PIK3C2A: variants seen among roughly 807,000 people sequenced by gnomAD.
PIK3C2A encodes phosphatidylinositol-4-phosphate 3-kinase catalytic subunit type 2 alpha.
Under a neutral mutation model 204.5 loss-of-function variants are expected in PIK3C2A, and 97 were observed. The observed-to-expected ratio is 0.47, with a 90% CI of 0.40 to 0.56. The LOEUF (loss-of-function observed/expected upper bound fraction) is 0.56. Ranked by LOEUF, PIK3C2A falls within the 20% of genes least tolerant of loss-of-function variation. PIK3C2A has a pLI of 0.00. For missense variants in PIK3C2A, 1,735 were observed against 1,969.2 expected, an observed-to-expected ratio of 0.88 and a Z score of 2.25; for synonymous variants, 653 against 664.4, an observed-to-expected ratio of 0.98 and a Z score of 0.26.
chr11:17,112,674 TACA>T lies in PIK3C2A; in HGVS notation c.3322-11_3322-9del, dbSNP rs1849038950. ...ACTGAAGAAGGAACACGACTGCAAATACAACATGTTAAGCATTAGAAAGATAAA... is the reference window on the plus strand; with the variant it reads ...ACTGAAGAAGGAACACGACTGCAAATACATGTTAAGCATTAGAAAGATAAA... On this transcript the variant is annotated splice_polypyrimidine_tract_variant and intron_variant, in intron 20 of 32. Transcript: ENST00000691414. 2.1e-6 allele frequency: 3 copies of T among 1,404,790 alleles called. No homozygotes were observed. The South Asian group carries it at 4.3e-5, about 20-fold the overall frequency. 87.0% of individuals were successfully genotyped at this position (1,404,790 alleles called of 1,614,324 possible).
chr11:17,180,148 G>A (rs112307671), intron 1 of PIK3C2A, among the ~76,000 whole-genome samples: 3,859 of 152,204 alleles, frequency 0.025, 165 homozygotes, highest in African/African-American at 0.088. Flanking sequence ...TGCAGGCAAT[G>A]AAAAGCTAAA....
At chr11:17,124,045 A>G (rs776478112) in intron 13 of PIK3C2A, among the ~76,000 whole-genome samples, 13 of 152,090 alleles carry the variant, frequency 8.5e-5, no homozygotes, top group Non-Finnish European at 1.8e-4. Flanking sequence ...TCATATATAT[A>G]TATATATGGG....
At chr11:17,126,296 C>G (rs1286512322) in intron 13 of PIK3C2A, among the ~76,000 whole-genome samples, 1 of 152,060 alleles carries the variant, frequency 6.6e-6, no homozygotes, top group African/African-American at 2.4e-5. Flanking sequence ...CGCCTATAAT[C>G]TGAGCTACCG....
At chr11:17,207,785 C>T (rs1463410929) in intron 1 of PIK3C2A, 63 bp downstream of exon 1, 1 of 152,494 alleles carries the variant, frequency 6.6e-6, no homozygotes, top group Non-Finnish European at 1.5e-5. Context: ...CCCCGGGGCC[C>T]CTCTCCACCC....
intron 1 of PIK3C2A, among the ~76,000 whole-genome samples, chr11:17,182,879 C>T (rs925302493): frequency 6.6e-6 from 1 of 152,114 alleles, no homozygotes; most frequent in Non-Finnish European, 1.5e-5. Flanking sequence ...CTCACTCTGT[C>T]GCCAGGCCGA....
chr11:17,119,921 T>C lies in PIK3C2A; in HGVS notation c.2711A>G (p.Lys904Arg), dbSNP rs1849319301. ...TATTTTAGGAAGACAATTTGGGTGT[T>C]TGAAGCAATAATAACGTTTCTCCCA... Reference protein sequence around the residue: ...FLWEKRYYCFKHPNCLPKILA... With the variant: ...FLWEKRYYCFRHPNCLPKILA... The change falls in exon 16 of 33, where the codon AAA becomes AGA. Residue 904 changes from lysine to arginine, a missense_variant. Transcript: ENST00000691414. 6.2e-7 allele frequency: 1 copy of C among 1,609,852 alleles called. No individual in the cohort carries two copies. The highest frequency in any genetic ancestry group is 1.1e-5 in the South Asian group (1 of 90,608).
rs1377680619 is a variant in PIK3C2A, at chr11:17,169,473, A to G, written c.269T>C (p.Ile90Thr). The change falls in exon 2 of 33, where the codon ATT (isoleucine) becomes ACT (threonine). Residue 90 changes from isoleucine (I) to threonine (T), a missense_variant. Physicochemically the swap from Ile to Thr is moderately conservative, Grantham distance 89. Transcript: ENST00000691414. ...AGCTTGGGTGAGCTTTTCTACATCAATATCTAATGCTCTTTTTTGGGAATC... is the reference window on the plus strand; with the variant it reads ...AGCTTGGGTGAGCTTTTCTACATCAGTATCTAATGCTCTTTTTTGGGAATC... ...ESDSQKRALD[I>T]DVEKLTQAEL... The G allele has an allele frequency of 1.2e-6, 2 of 1,614,086 alleles. No homozygotes were observed. Among genetic ancestry groups the G allele is most frequent in the Admixed American group, 3.3e-5 (2 of 60,006 alleles).
At chr11:17,154,625 G>C (rs1850524125) in intron 3 of PIK3C2A, among the ~76,000 whole-genome samples, 1 of 152,046 alleles carries the variant, frequency 6.6e-6, no homozygotes, top group South Asian at 2.1e-4. Flanking sequence ...TCCTCCTATG[G>C]GTGTTTCCTA....
intron 20 of PIK3C2A, 53 bp from the exon 21 acceptor site, chr11:17,112,719 A>ATT: frequency 1.1e-6 from 1 of 913,142 alleles, no homozygotes; most frequent in Non-Finnish European, 1.6e-6. Context: ...TGGATTTAGA[A>ATT]TTTTTTTTTG....
intron 24 of PIK3C2A, among the ~76,000 whole-genome samples, chr11:17,101,888 C>A (rs941371447): frequency 1.3e-5 from 2 of 151,900 alleles, no homozygotes; most frequent in Non-Finnish European, 2.9e-5. Context: ...CAGGCGTGAG[C>A]CACTGCACCC....
At chr11:17,127,449 C>T (rs1849562129) in intron 13 of PIK3C2A, among the ~76,000 whole-genome samples, 3 of 152,016 alleles carry the variant, frequency 2.0e-5, no homozygotes, top group Non-Finnish European at 4.4e-5. Flanking sequence ...GCTGGGATTA[C>T]AGATGTGCGC....
intron 8 of PIK3C2A, among the ~76,000 whole-genome samples, chr11:17,138,953 G>T (rs1355490385): frequency 6.6e-6 from 1 of 151,974 alleles, no homozygotes; most frequent in Non-Finnish European, 1.5e-5. Flanking sequence ...TGTCCCCCAG[G>T]CTGGAGTGCG....
At chr11:17,156,524 A>G (rs1030537425) in intron 2 of PIK3C2A, among the ~76,000 whole-genome samples, 2 of 152,142 alleles carry the variant, frequency 1.3e-5, no homozygotes, top group African/African-American at 2.4e-5. Context: ...CTGGGACTAC[A>G]GGCATGGGCC....
chr11:17,138,446 C>A lies in PIK3C2A; in HGVS notation c.1705-1821G>T, dbSNP rs536021223. Among the ~76,000 whole-genome samples the A allele has an allele frequency of 1.6e-4, 25 of 151,634 alleles. No individual in the cohort carries two copies. The South Asian group carries it at 4.6e-3, about 28-fold the overall frequency. ...TTGGCTAAATTTATCTAGCAGGTTT[C>A]TTTGCCATAGGCAACTATGTATTCC... On this transcript the variant is annotated intron_variant, in intron 8 of 32. Transcript: ENST00000691414.
chr11:17,132,335 T>A (rs1413600097), intron 11 of PIK3C2A, among the ~76,000 whole-genome samples: 1 of 144,194 alleles, frequency 6.9e-6, no homozygotes. Flanking sequence ...TTTTTTTTTT[T>A]TTTTTGAGAC....
chr11:17,102,300 G>A (rs546239283), intron 24 of PIK3C2A, among the ~76,000 whole-genome samples: 1 of 152,204 alleles, frequency 6.6e-6, no homozygotes, highest in South Asian at 2.1e-4. Context: ...AGCCGGGCGT[G>A]GTGGCGGGCG....
intron 22 of PIK3C2A, among the ~76,000 whole-genome samples, chr11:17,108,392 C>G (rs914417538): frequency 6.6e-6 from 1 of 152,104 alleles, no homozygotes; most frequent in Non-Finnish European, 1.5e-5. Context: ...TTTCGTGAGA[C>G]CAGTTCGAGG....
chr11:17,198,334 T>C (rs976705952), intron 1 of PIK3C2A, among the ~76,000 whole-genome samples: 2 of 145,698 alleles, frequency 1.4e-5, no homozygotes, highest in African/African-American at 5.1e-5. Context: ...GGTCTCGAAC[T>C]CCTGACCTCA....
chr11:17,195,778 G>A (rs1203913537), intron 1 of PIK3C2A, among the ~76,000 whole-genome samples: 21 of 148,478 alleles, frequency 1.4e-4, no homozygotes, highest in Non-Finnish European at 2.5e-4. Context: ...GCTGGCTCAC[G>A]CCTGTAATCC....
Sources: gnomAD v4.1 joint callset for allele counts (sites outside exome capture counted in the v4.1 genomes callset) on GRCh38, gnomAD v4.1.1 for gene constraint, MANE v1.5 for transcripts, NCBI Gene and HGNC (gene_info 2026-07-23, HGNC 2026-07-21) for gene names.